SERPINI1: variants seen among roughly 807,000 people sequenced by gnomAD.
SERPINI1 encodes the protein neuroserpin.
A neutral mutation model predicts 41.1 loss-of-function variants in SERPINI1; 19 were observed. That is an observed-to-expected ratio of 0.46 (90% CI 0.32 to 0.68). The LOEUF (loss-of-function observed/expected upper bound fraction) is 0.68. SERPINI1 is among the 30% of genes least tolerant of loss of function. The probability of loss-of-function intolerance (pLI) is 0.03; values close to 1 mark genes in which losing one functional copy is unlikely to be tolerated. For missense variants in SERPINI1, 460 were observed against 479.2 expected (o/e 0.96, Z 0.37); for synonymous variants, 138 against 156.6 (o/e 0.88, Z 0.89).
chr3:167,791,897 A>G (rs753519259), intron 3 of SERPINI1, among the ~76,000 whole-genome samples: 12 of 152,132 alleles, frequency 7.9e-5, no homozygotes, highest in Non-Finnish European at 1.0e-4. Context: ...GGCCAAGTGG[A>G]GTGGATCACT....
chr3:167,798,314 A>G (rs1321487622), intron 5 of SERPINI1, among the ~76,000 whole-genome samples: 3 of 152,176 alleles, frequency 2.0e-5, no homozygotes, highest in Non-Finnish European at 4.4e-5. Flanking sequence ...CAATTTTTCC[A>G]GAAGTTCCAT....
Position 167,790,599 on chromosome 3 carries a change from A to G in SERPINI1, c.478A>G (p.Asn160Asp). 6.2e-7 allele frequency: 1 copy of G among 1,609,070 alleles called. No homozygotes were observed. ...CAATAAGTGGGTGGAGAATAACACA[A>G]ACAGTATGTCACTTGGTTCCTTTCT... ...YINKWVENNT[N>D]NLVKDLVSPR... The change falls in exon 3 of 9, where the codon AAC (asparagine) becomes GAC (aspartate). Residue 160 changes from asparagine to aspartate, a missense_variant. Physicochemically the swap from Asn to Asp is conservative, Grantham distance 23. Coordinates refer to ENST00000446050, the MANE Select transcript of SERPINI1 (RefSeq NM_001122752.2).
intron 1 of SERPINI1, among the ~76,000 whole-genome samples, chr3:167,786,500 T>A (rs1577417074): frequency 9.5e-6 from 1 of 104,980 alleles, no homozygotes; most frequent in African/African-American, 4.3e-5. Context: ...AGAGGGAGAC[T>A]CCGTCTCAAA....
intron 1 of SERPINI1, among the ~76,000 whole-genome samples, chr3:167,743,450 C>A (rs1040213032): frequency 6.6e-6 from 1 of 151,998 alleles, no homozygotes; most frequent in African/African-American, 2.4e-5. Context: ...TTTTTCTCTG[C>A]CTATAAAACT....
intron 1 of SERPINI1, among the ~76,000 whole-genome samples, chr3:167,746,343 A>G (rs1159467965): frequency 1.3e-5 from 2 of 152,196 alleles, no homozygotes; most frequent in Non-Finnish European, 2.9e-5. Context: ...ACAGGAGTAA[A>G]TTATTACCAT....
At chr3:167,779,872 G>C (rs1294256660) in intron 1 of SERPINI1, among the ~76,000 whole-genome samples, 1 of 152,124 alleles carries the variant, frequency 6.6e-6, no homozygotes, top group African/African-American at 2.4e-5. Context: ...GTCACAGTGA[G>C]CTGGGTAACT....
At chr3:167,745,860 A>G (rs2108531679) in intron 1 of SERPINI1, among the ~76,000 whole-genome samples, 1 of 152,282 alleles carries the variant, frequency 6.6e-6, no homozygotes, top group East Asian at 1.9e-4. Flanking sequence ...AAATGCAAGA[A>G]TTTTACAACA....
chr3:167,793,507 G>A (rs987779162), intron 4 of SERPINI1, among the ~76,000 whole-genome samples: 1 of 151,222 alleles, frequency 6.6e-6, no homozygotes, highest in African/African-American at 2.4e-5. Flanking sequence ...AGAGACAGAG[G>A]TAGGAGGATT....
At chr3:167,797,045 T>C (rs1019330402) in intron 5 of SERPINI1, among the ~76,000 whole-genome samples, 1 of 152,216 alleles carries the variant, frequency 6.6e-6, no homozygotes, top group Non-Finnish European at 1.5e-5. Flanking sequence ...TTTTTAATAA[T>C]TGCCATTCTG....
At chr3:167,775,274 T>TTAC (rs1347307056) in intron 1 of SERPINI1, among the ~76,000 whole-genome samples, 5 of 133,006 alleles carry the variant, frequency 3.8e-5, no homozygotes, top group Non-Finnish European at 8.1e-5. Context: ...ATTATTATTA[T>TTAC]TATTTGAGAC....
chr3:167,739,027 A>C (rs567661846), intron 1 of SERPINI1, among the ~76,000 whole-genome samples: 1 of 152,050 alleles, frequency 6.6e-6, no homozygotes, highest in South Asian at 2.1e-4. Context: ...CCATTTATTT[A>C]ATTAAGCAAA....
At chr3:167,744,360 G>A (rs1725775159) in intron 1 of SERPINI1, among the ~76,000 whole-genome samples, 2 of 151,322 alleles carry the variant, frequency 1.3e-5, no homozygotes, top group South Asian at 4.2e-4. Flanking sequence ...AATTTATTTT[G>A]TAAGTGAACT....
At chr3:167,807,576 G>A (rs1367588422) in intron 6 of SERPINI1, among the ~76,000 whole-genome samples, 4 of 152,010 alleles carry the variant, frequency 2.6e-5, no homozygotes, top group Admixed American at 2.0e-4. Flanking sequence ...TATATTCTCC[G>A]GAAGACCTGT....
chr3:167,781,567 A>T (rs1196181558), intron 1 of SERPINI1, among the ~76,000 whole-genome samples: 1 of 151,408 alleles, frequency 6.6e-6, no homozygotes, highest in African/African-American at 2.4e-5. Context: ...CTGAGAATTA[A>T]CAGGCAGGGA....
intron 1 of SERPINI1, among the ~76,000 whole-genome samples, chr3:167,744,717 AT>A (rs1180647322): frequency 2.3e-5 from 3 of 128,166 alleles, no homozygotes; most frequent in African/African-American, 8.9e-5. Context: ...TAAAATATAT[AT>A]AAATATATAA....
At chr3:167,822,953 GA>G (rs11284733) in intron 6 of SERPINI1, 32 bp from the exon 7 acceptor site, 119,129 of 1,136,298 alleles carry the variant, frequency 0.1, 5,260 homozygotes, top group African/African-American at 0.21. Context: ...ATCTCTGAAT[GA>G]AAAAAAAAAA....
At chr3:167,789,669 G>A (rs987787918) in intron 2 of SERPINI1, among the ~76,000 whole-genome samples, 3 of 152,050 alleles carry the variant, frequency 2.0e-5, no homozygotes, top group East Asian at 1.9e-4. Flanking sequence ...TAGAGAGAGA[G>A]GCACATATTT....
chr3:167,748,584 A>T (rs1725936462), intron 1 of SERPINI1, among the ~76,000 whole-genome samples: 1 of 152,170 alleles, frequency 6.6e-6, no homozygotes, highest in African/African-American at 2.4e-5. Context: ...AAGGGATAAA[A>T]ATGGACTTTG....
chr3:167,824,754 A>G (rs1712457747), intron 8 of SERPINI1, among the ~76,000 whole-genome samples, 192 bp downstream of exon 8: 2 of 152,116 alleles, frequency 1.3e-5, no homozygotes, highest in South Asian at 4.1e-4. Flanking sequence ...TTTAATGAAA[A>G]TAAGGCTGGT....
Sources: gnomAD v4.1 joint callset for allele counts (sites outside exome capture counted in the v4.1 genomes callset) on GRCh38, gnomAD v4.1.1 for gene constraint, MANE v1.5 for transcripts, NCBI Gene and HGNC (gene_info 2026-07-23, HGNC 2026-07-21) for gene names.